Variants in ANKS1B observed in about 807,000 individuals in gnomAD.
The protein encoded by ANKS1B is ankyrin repeat and sterile alpha motif domain-containing protein 1B.
A neutral mutation model predicts 148.3 loss-of-function variants in ANKS1B; 36 were observed. The ratio of observed to expected loss-of-function variants is 0.24; its 90% CI spans 0.19 to 0.32. The LOEUF is 0.32. Ranked by LOEUF, ANKS1B falls within the 10% of genes least tolerant of loss-of-function variation. The probability of loss-of-function intolerance (pLI) is 1.00; values close to 1 mark genes in which losing one functional copy is unlikely to be tolerated. For synonymous variants in ANKS1B, 542 were observed against 560.8 expected, an observed-to-expected ratio of 0.97 and a Z score of 0.47; for missense variants, 1,157 against 1,542.6, an observed-to-expected ratio of 0.75 and a Z score of 4.19.
At chr12:99,503,394 G>A (rs1340753991) in intron 10 of ANKS1B, among the ~76,000 whole-genome samples, 1 of 152,134 alleles carries the variant, frequency 6.6e-6, no homozygotes, top group Non-Finnish European at 1.5e-5. Context: ...TAACCATGCT[G>A]TCTTCTCGCT....
chr12:99,154,551 C>T (rs1248509227), intron 14 of ANKS1B, 156 bp from the exon 15 acceptor site: 23 of 1,563,208 alleles, frequency 1.5e-5, no homozygotes, highest in East Asian at 2.3e-5. Flanking sequence ...ATGTTCTCAG[C>T]GAGAGAGCAA....
At chr12:99,857,832 A>G (rs1382119868) in intron 1 of ANKS1B, among the ~76,000 whole-genome samples, 3 of 152,208 alleles carry the variant, frequency 2.0e-5, no homozygotes, top group Non-Finnish European at 4.4e-5. Flanking sequence ...TTGACTAGCC[A>G]CATGTAGGAG....
intron 12 of ANKS1B, among the ~76,000 whole-genome samples, chr12:99,276,982 T>C (rs1422020195): frequency 6.6e-6 from 1 of 152,182 alleles, no homozygotes; most frequent in Admixed American, 6.5e-5. Flanking sequence ...GTCACCTAAC[T>C]TACGTCTACA....
chr12:99,575,761 A>T (rs1199993589), intron 9 of ANKS1B, among the ~76,000 whole-genome samples: 1 of 152,066 alleles, frequency 6.6e-6, no homozygotes, highest in Non-Finnish European at 1.5e-5. Flanking sequence ...TTGGGTGGGG[A>T]CACCCAAACC....
intron 12 of ANKS1B, among the ~76,000 whole-genome samples, chr12:99,342,406 T>C (rs531654180): frequency 1.5e-4 from 23 of 152,060 alleles, no homozygotes; most frequent in African/African-American, 3.9e-4. Context: ...GGTCAGGGGA[T>C]TGAAAGAAGT....
intron 8 of ANKS1B, among the ~76,000 whole-genome samples, chr12:99,690,443 C>G (rs1017593836): frequency 6.6e-6 from 1 of 152,154 alleles, no homozygotes; most frequent in Non-Finnish European, 1.5e-5. Flanking sequence ...AAGTCCCTTC[C>G]ACCTATAAGC....
intron 1 of ANKS1B, among the ~76,000 whole-genome samples, chr12:99,890,218 T>C (rs1039699739): frequency 6.6e-6 from 1 of 152,210 alleles, no homozygotes; most frequent in South Asian, 2.1e-4. Flanking sequence ...ATAGCCTCCA[T>C]GTTGCTGTGA....
intron 17 of ANKS1B, among the ~76,000 whole-genome samples, chr12:98,878,577 A>T (rs943579363): frequency 6.6e-6 from 1 of 152,202 alleles, no homozygotes; most frequent in African/African-American, 2.4e-5. Flanking sequence ...GGATCAGAGG[A>T]CACCATAGAT....
At chr12:98,792,601 T>G (rs573971629) in intron 22 of ANKS1B, among the ~76,000 whole-genome samples, 12 of 152,278 alleles carry the variant, frequency 7.9e-5, no homozygotes, top group African/African-American at 2.4e-4. Context: ...CCTATTCCCC[T>G]CCTCCTCATC....
intron 4 of ANKS1B, 75 bp downstream of exon 4, chr12:99,806,329 C>A: frequency 6.5e-7 from 1 of 1,542,364 alleles, no homozygotes; most frequent in Non-Finnish European, 8.8e-7. Flanking sequence ...TTTCTACATA[C>A]AGGTTTTCAC....
At chr12:98,757,936 AC>A (rs2098295394) in intron 25 of ANKS1B, among the ~76,000 whole-genome samples, 1 of 128,066 alleles carries the variant, frequency 7.8e-6, no homozygotes, top group Non-Finnish European at 1.7e-5. Context: ...GCATGTGTGC[AC>A]GTGTGTGTGT....
intron 17 of ANKS1B, among the ~76,000 whole-genome samples, chr12:98,873,896 C>T (rs975386581): frequency 1.3e-5 from 2 of 152,120 alleles, no homozygotes. Context: ...ATGCTAATGG[C>T]TCACATATGG....
At chr12:99,541,112 T>C (rs547444838) in intron 9 of ANKS1B, among the ~76,000 whole-genome samples, 2 of 152,210 alleles carry the variant, frequency 1.3e-5, no homozygotes, top group East Asian at 3.9e-4. Flanking sequence ...AAGTAAGAGA[T>C]TGAATTTGTA....
At chr12:99,398,766 C>T (rs1369095396) in intron 12 of ANKS1B, among the ~76,000 whole-genome samples, 1 of 152,094 alleles carries the variant, frequency 6.6e-6, no homozygotes, top group East Asian at 1.9e-4. Context: ...TCAAAACTTT[C>T]CAGCTCACCA....
rs76139097 is a variant in ANKS1B at position 99,583,857 on chromosome 12, C to T, written c.1272+71210G>A. 1.4e-3 allele frequency among the ~76,000 whole-genome samples: 215 copies of T among 152,252 alleles called. 4 individuals carry two copies. The East Asian group carries it at 0.037, about 26-fold the overall frequency. ...GAACTAAAACACAGGTACATAGATT[C>T]GCATATATGTTATTAATGCCATTTC... On this transcript the variant is annotated intron_variant, in intron 9 of 26. Transcript: ENST00000683438.
At chr12:98,764,662 A>C (rs2098457162) in intron 25 of ANKS1B, among the ~76,000 whole-genome samples, 1 of 152,156 alleles carries the variant, frequency 6.6e-6, no homozygotes, top group African/African-American at 2.4e-5. Context: ...AGCAAATATA[A>C]ATGGCTTTTC....
intron 25 of ANKS1B, among the ~76,000 whole-genome samples, chr12:98,759,894 C>T (rs776170252): frequency 1.6e-4 from 25 of 152,182 alleles, no homozygotes; most frequent in South Asian, 4.2e-4. Context: ...GCAGGAGACT[C>T]GCTTGAGCCC....
intron 17 of ANKS1B, among the ~76,000 whole-genome samples, chr12:98,911,090 A>C (rs896316782): frequency 7.1e-6 from 1 of 140,836 alleles, no homozygotes; most frequent in African/African-American, 2.5e-5. Flanking sequence ...GGAGATAAAA[A>C]TTCTGTGGTA....
At chr12:99,701,221 TG>T (rs2054760491) in intron 8 of ANKS1B, among the ~76,000 whole-genome samples, 2 of 152,152 alleles carry the variant, frequency 1.3e-5, no homozygotes, top group Non-Finnish European at 2.9e-5. Context: ...GGGTTGCAAG[TG>T]GGTTTGCACT....
Sources: gnomAD v4.1 joint callset for allele counts (sites outside exome capture counted in the v4.1 genomes callset) on GRCh38, gnomAD v4.1.1 for gene constraint, MANE v1.5 for transcripts, NCBI Gene and HGNC (gene_info 2026-07-23, HGNC 2026-07-21) for gene names.